The following PARD3 variants were observed in gnomAD, a reference collection of about 807,000 sequenced individuals.
PARD3 encodes par-3 family cell polarity regulator, also known as partitioning defective 3 homolog.
PARD3 carries 75 observed loss-of-function variants against 155.4 expected under a neutral mutation model. That is an observed-to-expected ratio of 0.48 (90% CI 0.40 to 0.58). PARD3 has a LOEUF of 0.58. PARD3 is among the 20% of genes least tolerant of loss of function. PARD3 has a pLI of 0.00. For missense variants in PARD3, 1,642 were observed against 1,721.7 expected (o/e 0.95, Z 0.82); for synonymous variants, 576 against 610.5 (o/e 0.94, Z 0.83).
chr10:34,353,578 C>G (rs554439795), intron 14 of PARD3, among the ~76,000 whole-genome samples: 1 of 152,088 alleles, frequency 6.6e-6, no homozygotes. Context: ...ACAAACACTG[C>G]GGAAGGCCGC....
At chr10:34,649,583 G>A (rs963831067) in intron 2 of PARD3, among the ~76,000 whole-genome samples, 1 of 152,232 alleles carries the variant, frequency 6.6e-6, no homozygotes, top group Non-Finnish European at 1.5e-5. Context: ...TGGAGCTTGC[G>A]GGACTGGAAG....
chr10:34,481,840 T>C (rs2079099709), intron 3 of PARD3, among the ~76,000 whole-genome samples: 1 of 151,940 alleles, frequency 6.6e-6, no homozygotes, highest in Non-Finnish European at 1.5e-5. Flanking sequence ...TGACCATTCA[T>C]TCATTTATTT....
intron 22 of PARD3, among the ~76,000 whole-genome samples, chr10:34,150,924 C>G (rs920515): frequency 6.6e-6 from 1 of 151,950 alleles, no homozygotes; most frequent in Non-Finnish European, 1.5e-5. Flanking sequence ...CCTGCTGTCA[C>G]ATACATGTTT....
At chr10:34,792,181 C>T (rs551995728) in intron 1 of PARD3, among the ~76,000 whole-genome samples, 20 of 152,282 alleles carry the variant, frequency 1.3e-4, no homozygotes, top group South Asian at 6.2e-4. Context: ...GTGCTCTTTG[C>T]GGAGCTCTCT....
intron 19 of PARD3, among the ~76,000 whole-genome samples, chr10:34,318,748 C>T (rs1294085166): frequency 6.6e-6 from 1 of 151,880 alleles, no homozygotes; most frequent in Non-Finnish European, 1.5e-5. Flanking sequence ...ATGCAAAAAA[C>T]AAAGCTCAGA....
intron 3 of PARD3, among the ~76,000 whole-genome samples, chr10:34,470,704 C>A (rs1251296255): frequency 6.6e-6 from 1 of 152,110 alleles, no homozygotes; most frequent in Non-Finnish European, 1.5e-5. Context: ...GTGATCATTA[C>A]CCCAATATTT....
intron 22 of PARD3, among the ~76,000 whole-genome samples, chr10:34,247,450 C>T (rs1026145736): frequency 3.3e-5 from 5 of 151,942 alleles, no homozygotes; most frequent in African/African-American, 7.3e-5. Flanking sequence ...TGCAATGAGC[C>T]AAGATCACGC....
intron 2 of PARD3, among the ~76,000 whole-genome samples, chr10:34,610,336 C>T (rs2090788007): frequency 6.6e-6 from 1 of 152,016 alleles, no homozygotes; most frequent in South Asian, 2.1e-4. Context: ...ATAAGAAATG[C>T]TCTGATACAT....
At chr10:34,535,657 G>A (rs775979064) in intron 2 of PARD3, among the ~76,000 whole-genome samples, 6 of 151,920 alleles carry the variant, frequency 3.9e-5, no homozygotes, top group Non-Finnish European at 7.4e-5. Flanking sequence ...TGTATTTTTA[G>A]TAGAGACAGG....
chr10:34,500,984 T>C (rs1236049736), intron 3 of PARD3, among the ~76,000 whole-genome samples: 6 of 152,240 alleles, frequency 3.9e-5, no homozygotes, highest in Non-Finnish European at 8.8e-5. Context: ...CTTTTAATTG[T>C]GCAAAAGAGT....
chr10:34,596,050 G>A (rs1181892524), intron 2 of PARD3, among the ~76,000 whole-genome samples: 1 of 152,126 alleles, frequency 6.6e-6, no homozygotes, highest in African/African-American at 2.4e-5. Flanking sequence ...CAATGGAAGT[G>A]GGGAAGTGGA....
At chr10:34,227,852 T>TATATA (rs1554813974) in intron 22 of PARD3, among the ~76,000 whole-genome samples, 2 of 31,392 alleles carry the variant, frequency 6.4e-5, no homozygotes, top group African/African-American at 2.5e-4. Flanking sequence ...ATGGGAATTA[T>TATATA]TTTTTATATA....
chr10:34,156,762 T>TCCATGGACCAAACGACCAG (rs1949025479), intron 22 of PARD3, among the ~76,000 whole-genome samples: 1 of 152,194 alleles, frequency 6.6e-6, no homozygotes, highest in Non-Finnish European at 1.5e-5. Context: ...GCTTCCATGC[T>TCCATGGACCAAACGACCAG]CTTCTCATGA....
At chr10:34,611,930 G>T (rs866490246) in intron 2 of PARD3, among the ~76,000 whole-genome samples, 4 of 104,648 alleles carry the variant, frequency 3.8e-5, no homozygotes, top group Non-Finnish European at 5.6e-5. Flanking sequence ...CTGCCTCAGC[G>T]CCCCCCCTAC....
chr10:34,575,403 A>G (rs551313428), intron 2 of PARD3, among the ~76,000 whole-genome samples: 1 of 152,312 alleles, frequency 6.6e-6, no homozygotes, highest in South Asian at 2.1e-4. Flanking sequence ...AGTAGGCTTT[A>G]TCTATTTTCC....
intron 2 of PARD3, among the ~76,000 whole-genome samples, chr10:34,661,370 A>T (rs924965146): frequency 2.6e-5 from 4 of 152,192 alleles, no homozygotes; most frequent in Non-Finnish European, 4.4e-5. Flanking sequence ...CAAATAAAGT[A>T]CCTCGGGACA....
intron 3 of PARD3, among the ~76,000 whole-genome samples, chr10:34,515,580 T>C (rs562593808): frequency 5.8e-4 from 89 of 152,324 alleles, no homozygotes; most frequent in African/African-American, 2.0e-3. Flanking sequence ...GTATGGCGCA[T>C]TGTCCTGTGG....
intron 20 of PARD3, among the ~76,000 whole-genome samples, chr10:34,298,710 C>T (rs541376051): frequency 2.0e-5 from 3 of 152,284 alleles, no homozygotes; most frequent in South Asian, 2.1e-4. Context: ...TGCTGCTGAA[C>T]TAAACGGCTT....
intron 1 of PARD3, among the ~76,000 whole-genome samples, chr10:34,752,952 C>CTCTA (rs10629489): frequency 0.28 from 43,250 of 151,954 alleles, 6,451 homozygotes; most frequent in East Asian, 0.53. Context: ...AGTGGAAATT[C>CTCTA]TCTTTTTCTA....
Sources: gnomAD v4.1 joint callset for allele counts (sites outside exome capture counted in the v4.1 genomes callset) on GRCh38, gnomAD v4.1.1 for gene constraint, MANE v1.5 for transcripts, NCBI Gene and HGNC (gene_info 2026-07-23, HGNC 2026-07-21) for gene names.